Variants in MRPS28 observed in about 807,000 individuals in gnomAD.
MRPS28 encodes small ribosomal subunit protein bS1m.
A neutral mutation model predicts 10.8 loss-of-function variants in MRPS28; 7 were observed. That is an observed-to-expected ratio of 0.65 (90% CI 0.37 to 1.22). The LOEUF (loss-of-function observed/expected upper bound fraction) is 1.22. MRPS28 is among the 50% of genes most tolerant of loss of function. The pLI is 0.02. For synonymous variants in MRPS28, 121 were observed against 93.3 expected, an observed-to-expected ratio of 1.30 and a Z score of -1.71; for missense variants, 265 against 232.9, an observed-to-expected ratio of 1.14 and a Z score of -0.90.
chr8:79,974,326 G>A (rs2130051795), intron 2 of MRPS28, among the ~76,000 whole-genome samples: 1 of 152,190 alleles, frequency 6.6e-6, no homozygotes, highest in Admixed American at 6.5e-5. Flanking sequence ...GGATCACGAG[G>A]TCAGGAGATC....
intron 2 of MRPS28, among the ~76,000 whole-genome samples, chr8:79,992,667 A>C (rs1808398997): frequency 6.6e-6 from 1 of 152,222 alleles, no homozygotes; most frequent in African/African-American, 2.4e-5. Flanking sequence ...TTTGCTGATA[A>C]AATTAACAAA....
intron 2 of MRPS28, among the ~76,000 whole-genome samples, chr8:79,974,584 AC>A (rs763483426): frequency 1.6e-4 from 25 of 152,078 alleles, no homozygotes; most frequent in Non-Finnish European, 2.9e-4. Flanking sequence ...CAAAAAAAAA[AC>A]AAATGAAATG....
intron 2 of MRPS28, among the ~76,000 whole-genome samples, chr8:79,922,901 CAAA>C (rs981144705): frequency 1.3e-5 from 2 of 151,844 alleles, no homozygotes; most frequent in African/African-American, 4.8e-5. Flanking sequence ...ACAAAGTTCT[CAAA>C]AAAGTCACTG....
intron 2 of MRPS28, chr8:79,956,784 T>G (rs1253592753): frequency 6.6e-6 from 1 of 152,184 alleles, no homozygotes; most frequent in Non-Finnish European, 1.5e-5. Context: ...GGCCTCCAGT[T>G]CCATTCATGT....
chr8:80,011,088 G>A (rs1347994141), intron 1 of MRPS28, among the ~76,000 whole-genome samples: 1 of 151,690 alleles, frequency 6.6e-6, no homozygotes, highest in Non-Finnish European at 1.5e-5. Context: ...TAGAGGTAGT[G>A]TAAAAGAGTA....
At chr8:79,930,017 A>G (rs1806420799) in intron 2 of MRPS28, among the ~76,000 whole-genome samples, 2 of 152,186 alleles carry the variant, frequency 1.3e-5, no homozygotes, top group South Asian at 4.1e-4. Context: ...TCTACCTATC[A>G]TCATTTAACT....
intron 1 of MRPS28, among the ~76,000 whole-genome samples, chr8:80,018,874 T>C (rs990719327): frequency 1.3e-5 from 2 of 152,226 alleles, no homozygotes; most frequent in Non-Finnish European, 2.9e-5. Flanking sequence ...GGTCATTACG[T>C]TACGTGAAAT....
chr8:79,925,368 A>G (rs569910027), intron 2 of MRPS28, among the ~76,000 whole-genome samples: 1 of 152,254 alleles, frequency 6.6e-6, no homozygotes, highest in Admixed American at 6.5e-5. Flanking sequence ...AGCAAAAGAG[A>G]CTGTTCATAT....
chr8:79,920,975 A>G (rs1362000875), intron 2 of MRPS28, among the ~76,000 whole-genome samples: 1 of 152,244 alleles, frequency 6.6e-6, no homozygotes, highest in African/African-American at 2.4e-5. Flanking sequence ...ATAAGGTGTT[A>G]AGAAAGGGAT....
chr8:79,919,137 T>C lies in MRPS28; in HGVS notation c.407A>G (p.Lys136Arg). The C allele has an allele frequency of 6.3e-7, 1 of 1,582,190 alleles. No individual in the cohort carries two copies. The highest frequency in any genetic ancestry group is 8.5e-7 in the Non-Finnish European group (1 of 1,170,462). Reference sequence around the variant, plus strand: ...TAGCCGCAACCGGACCCTGGTTCCTTTCTGGTATTTCCTAAATAGTTAAAA... The same window carrying C: ...TAGCCGCAACCGGACCCTGGTTCCTCTCTGGTATTTCCTAAATAGTTAAAA... ...RPEVDGEKYQ[K>R]GTRVRLRLLD... The change falls in exon 3 of 3, where the codon AAA (lysine) becomes AGA (arginine). Residue 136 changes from lysine (K) to arginine (R), a missense_variant. Lys to Arg is a conservative substitution (Grantham distance 26). Coordinates refer to ENST00000276585, the MANE Select transcript of MRPS28 (RefSeq NM_014018.3).
At chr8:80,004,696 G>A (rs1392781329) in intron 1 of MRPS28, among the ~76,000 whole-genome samples, 1 of 152,186 alleles carries the variant, frequency 6.6e-6, no homozygotes, top group African/African-American at 2.4e-5. Flanking sequence ...CTAAGCTAAA[G>A]AAGGAAGTCA....
intron 2 of MRPS28, among the ~76,000 whole-genome samples, chr8:79,996,910 G>A (rs2130139549): frequency 6.6e-6 from 1 of 152,296 alleles, no homozygotes; most frequent in African/African-American, 2.4e-5. Flanking sequence ...CCCTAGATTT[G>A]AATCCCTGCT....
Position 79,918,750 on chromosome 8 carries a change from A to G in MRPS28, c.*230T>C, listed in dbSNP as rs989535740. ...ACTCAAAACGTATTTATTGAATGACAATTTCTTAGTACAGTGTATACTATC... is the reference window on the plus strand; with the variant it reads ...ACTCAAAACGTATTTATTGAATGACGATTTCTTAGTACAGTGTATACTATC... On this transcript the variant is annotated 3_prime_UTR_variant, in exon 3 of 3. Coordinates refer to ENST00000276585, the MANE Select transcript of MRPS28 (RefSeq NM_014018.3). The G allele has an allele frequency of 1.9e-5, 4 of 205,570 alleles. No homozygotes were observed. Among genetic ancestry groups the G allele is most frequent in the Admixed American group, 6.3e-5 (1 of 15,932 alleles). The allele number at this position is 205,570 out of a possible 1,614,324, so 12.7% of individuals were successfully genotyped here.
intron 2 of MRPS28, among the ~76,000 whole-genome samples, chr8:79,972,549 T>C (rs1293672453): frequency 6.6e-6 from 1 of 152,246 alleles, no homozygotes; most frequent in African/African-American, 2.4e-5. Context: ...GTTTAACCAC[T>C]TGGGGAACTG....
chr8:79,993,992 C>A (rs890815677), intron 2 of MRPS28, among the ~76,000 whole-genome samples: 4 of 152,184 alleles, frequency 2.6e-5, no homozygotes, highest in Non-Finnish European at 5.9e-5. Context: ...AGCTGCCAAT[C>A]ATGCTTGTTT....
At position 80,002,992 on chromosome 8, in the gene MRPS28, T is replaced by C; in HGVS notation, c.395+7A>G. On this transcript the variant is annotated splice_region_variant and intron_variant, in intron 2 of 2. Coordinates refer to ENST00000276585, the MANE Select transcript of MRPS28 (RefSeq NM_014018.3). Reference sequence around the variant, plus strand: ...CTCTTAAGGTACTTGGAAATGATTTTACTTACTCTCCATCCACTTCTGGTC... The same window carrying C: ...CTCTTAAGGTACTTGGAAATGATTTCACTTACTCTCCATCCACTTCTGGTC... The C allele has an allele frequency of 1.3e-6, 2 of 1,555,050 alleles. No individual in the cohort carries two copies. The highest frequency in any genetic ancestry group is 1.7e-4 in the Middle Eastern group (1 of 5,804).
chr8:79,926,141 G>A (rs772222361), intron 2 of MRPS28, among the ~76,000 whole-genome samples: 1 of 151,368 alleles, frequency 6.6e-6, no homozygotes, highest in Non-Finnish European at 1.5e-5. Flanking sequence ...ATGGAAAGGG[G>A]AAAAAAAACC....
intron 2 of MRPS28, among the ~76,000 whole-genome samples, chr8:79,986,117 T>A (rs1218000304): frequency 6.6e-6 from 1 of 152,188 alleles, no homozygotes; most frequent in Non-Finnish European, 1.5e-5. Flanking sequence ...CAAGGCTGGT[T>A]CAATATACTC....
At chr8:80,014,361 G>A (rs762809298) in intron 1 of MRPS28, among the ~76,000 whole-genome samples, 2 of 151,844 alleles carry the variant, frequency 1.3e-5, no homozygotes, top group South Asian at 2.1e-4. Flanking sequence ...AGTTTGGGAT[G>A]GTTTGTTATG....
Sources: allele counts gnomAD v4.1 joint callset (sites outside exome capture counted in the v4.1 genomes callset), GRCh38; gene constraint gnomAD v4.1.1; transcripts MANE v1.5; gene names NCBI Gene and HGNC (gene_info 2026-07-23, HGNC 2026-07-21).